AFTPH: variants seen among roughly 807,000 people sequenced by gnomAD.
AFTPH encodes aftiphilin.
In AFTPH, 7 loss-of-function variants were observed where a neutral mutation model predicts 72.5. The ratio of observed to expected loss-of-function variants is 0.10; its 90% CI spans 0.05 to 0.18. The LOEUF is 0.18. Among genes scored for constraint, AFTPH ranks in the 10% least tolerant of loss-of-function variants. AFTPH has a pLI of 1.00. For synonymous variants in AFTPH, 337 were observed against 370.1 expected (o/e 0.91, Z 1.03); for missense variants, 979 against 1,060.5 (o/e 0.92, Z 1.07).
At chr2:64,584,873 G>C (rs1673417810) in intron 7 of AFTPH, among the ~76,000 whole-genome samples, 1 of 152,152 alleles carries the variant, frequency 6.6e-6, no homozygotes, top group South Asian at 2.1e-4. Context: ...TGGGATTACA[G>C]GCGTGAGCCA....
exon 9 of AFTPH, chr2:64,592,935 C>T (rs1369679704): frequency 3.9e-5 from 6 of 152,550 alleles, no homozygotes; most frequent in Admixed American, 2.6e-4. Context: ...TGTGCATGCC[C>T]AAGGTCTTTT....
At chr2:64,576,118 C>CGTGTGT (rs1553404164) in intron 6 of AFTPH, among the ~76,000 whole-genome samples, 1 of 137,036 alleles carries the variant, frequency 7.3e-6, no homozygotes, top group African/African-American at 2.7e-5. Context: ...CACACACACA[C>CGTGTGT]GTGTGTCATA....
At chr2:64,525,149 T>G (rs1181155314) in intron 1 of AFTPH, among the ~76,000 whole-genome samples, 1 of 152,194 alleles carries the variant, frequency 6.6e-6, no homozygotes, top group Non-Finnish European at 1.5e-5. Context: ...GCCCCAAAGC[T>G]CACGCATCCC....
intron 1 of AFTPH, among the ~76,000 whole-genome samples, chr2:64,541,751 C>T (rs893446999): frequency 1.3e-5 from 2 of 152,162 alleles, no homozygotes; most frequent in African/African-American, 2.4e-5. Context: ...TTAATGCTTA[C>T]GTGACATTTT....
At chr2:64,572,845 TCCAAGTGACC>T in intron 5 of AFTPH, 91 bp from the exon 6 acceptor site, 2 of 1,482,748 alleles carry the variant, frequency 1.3e-6, no homozygotes, top group Non-Finnish European at 9.1e-7. Flanking sequence ...TTCAGTACTT[TCCAAGTGACC>T]TGTTTTTTAC....
chr2:64,592,145 A>C, exon 9 of AFTPH: 1 of 1,174,098 alleles, frequency 8.5e-7, no homozygotes. Context: ...ATTCAAGTTC[A>C]GCTGATTTGT....
chr2:64,571,458 G>C (rs889040998), intron 5 of AFTPH, among the ~76,000 whole-genome samples: 1 of 152,150 alleles, frequency 6.6e-6, no homozygotes, highest in African/African-American at 2.4e-5. Context: ...CTGCATAAGG[G>C]CACACCAGAG....
chr2:64,551,670 A>G (rs780177437), exon 2 of AFTPH: 1 of 1,614,010 alleles, frequency 6.2e-7, no homozygotes, highest in Non-Finnish European at 8.5e-7. Context: ...AAACCATTTT[A>G]TGCCAATTCA....
intron 6 of AFTPH, among the ~76,000 whole-genome samples, chr2:64,573,440 A>C (rs565733161): frequency 6.6e-6 from 1 of 151,674 alleles, no homozygotes; most frequent in South Asian, 2.1e-4. Context: ...TTTAAAAAAA[A>C]AAAAAAAGAA....
At chr2:64,564,388 A>G (rs956456940) in intron 2 of AFTPH, among the ~76,000 whole-genome samples, 4 of 152,172 alleles carry the variant, frequency 2.6e-5, no homozygotes, top group Non-Finnish European at 4.4e-5. Context: ...CTCGGTGCCA[A>G]ATATTTAATC....
At chr2:64,558,848 G>C (rs1671542797) in intron 2 of AFTPH, among the ~76,000 whole-genome samples, 1 of 152,206 alleles carries the variant, frequency 6.6e-6, no homozygotes, top group South Asian at 2.1e-4. Flanking sequence ...TTCCTGGCCT[G>C]AATGCCATTC....
intron 1 of AFTPH, among the ~76,000 whole-genome samples, chr2:64,550,062 CTGGGTT>C (rs1670937839): frequency 6.6e-6 from 1 of 152,176 alleles, no homozygotes; most frequent in South Asian, 2.1e-4. Flanking sequence ...ATTCACACTC[CTGGGTT>C]TATATATTTT....
exon 2 of AFTPH, chr2:64,552,690 T>A (rs1671122851): frequency 6.2e-7 from 1 of 1,614,140 alleles, no homozygotes. Context: ...AGAAAATGAT[T>A]TGGATGATTC....
At chr2:64,584,051 G>C (rs1394063783) in intron 7 of AFTPH, among the ~76,000 whole-genome samples, 1 of 151,720 alleles carries the variant, frequency 6.6e-6, no homozygotes, top group Non-Finnish European at 1.5e-5. Context: ...TTTTTTTAAA[G>C]AAATAATAAG....
chr2:64,567,445 TTC>T, intron 2 of AFTPH, 115 bp from the exon 3 acceptor site: 2 of 1,020,050 alleles, frequency 2.0e-6, no homozygotes, highest in South Asian at 3.7e-5. Context: ...TTTCTGATGG[TTC>T]TCTTCCTCTC....
At chr2:64,578,558 ATTTTT>A (rs11366274) in intron 6 of AFTPH, among the ~76,000 whole-genome samples, 1 of 146,276 alleles carries the variant, frequency 6.8e-6, no homozygotes, top group Non-Finnish European at 1.5e-5. Flanking sequence ...GGAATAGTGA[ATTTTT>A]TTTTTTTTTT....
At chr2:64,562,869 C>T (rs1671823894) in intron 2 of AFTPH, among the ~76,000 whole-genome samples, 1 of 152,164 alleles carries the variant, frequency 6.6e-6, no homozygotes, top group Non-Finnish European at 1.5e-5. Context: ...ACTTATACTG[C>T]CTTACGTGCC....
At chr2:64,531,554 T>C (rs1049308492) in intron 1 of AFTPH, among the ~76,000 whole-genome samples, 3 of 152,234 alleles carry the variant, frequency 2.0e-5, no homozygotes, top group African/African-American at 7.2e-5. Flanking sequence ...TAACCTATTC[T>C]GTTAGCAAGC....
exon 9 of AFTPH, chr2:64,592,115 T>TAAAAAAAAAAAAA: frequency 1.2e-6 from 1 of 846,500 alleles, no homozygotes; most frequent in Non-Finnish European, 1.6e-6. Flanking sequence ...CTGCTCTAAT[T>TAAAAAAAAAAAAA]AAAAAAAAAA....
Sources: gnomAD v4.1 joint callset for allele counts (sites outside exome capture counted in the v4.1 genomes callset) on GRCh38, gnomAD v4.1.1 for gene constraint, MANE v1.5 for transcripts, NCBI Gene and HGNC (gene_info 2026-07-23, HGNC 2026-07-21) for gene names.